Variants in C14orf39 observed in about 807,000 individuals in gnomAD.
C14orf39 encodes the protein chromosome 14 open reading frame 39, also known as protein SIX6OS1.
A neutral mutation model predicts 85.6 loss-of-function variants in C14orf39; 66 were observed. The observed-to-expected ratio is 0.77, with a 90% CI of 0.63 to 0.95. C14orf39 has a LOEUF of 0.95. Among genes scored for constraint, C14orf39 ranks in the 40% least tolerant of loss-of-function variants. The pLI is 0.00. For missense variants in C14orf39, 735 were observed against 663.9 expected (o/e 1.11, Z -1.18); for synonymous variants, 242 against 214.0 (o/e 1.13, Z -1.14).
At chr14:60,455,262 G>T in intron 15 of C14orf39, 117 bp from the exon 16 acceptor site, 1 of 663,178 alleles carries the variant, frequency 1.5e-6, no homozygotes, top group Non-Finnish European at 2.4e-6. Flanking sequence ...AATGTAGGAA[G>T]TAGTTATTGA....
upstream of C14orf39, among the ~76,000 whole-genome samples, chr14:60,487,650 G>C (rs1455617793): frequency 1.3e-5 from 2 of 152,216 alleles, no homozygotes. Context: ...GTATTCAAAA[G>C]TGGGATTGCT....
chr14:60,471,362 T>C (rs1892067266), intron 7 of C14orf39, 55 bp downstream of exon 7: 1 of 1,296,862 alleles, frequency 7.7e-7, no homozygotes, highest in East Asian at 2.5e-5. Flanking sequence ...ACAATTAAAA[T>C]ACAAAATAAT....
Position 60,474,727 on chromosome 14 carries a change from A to T in C14orf39, c.324-2988T>A, listed in dbSNP as rs541894442. ...TTTATTGATTTGCATATGTTGAACC[A>T]GCCTTGCATCCCAGGGATGAAGCCC... On this transcript the variant is annotated intron_variant, in intron 5 of 17. Transcript: ENST00000321731. Among the ~76,000 whole-genome samples, 3 of 152,154 alleles carry T rather than the reference A, an allele frequency of 2.0e-5. No homozygotes were observed. In the South Asian group the frequency reaches 6.2e-4, roughly 32 times the overall value.
chr14:60,470,307 G>T (rs1451130232), intron 7 of C14orf39, among the ~76,000 whole-genome samples: 1 of 151,804 alleles, frequency 6.6e-6, no homozygotes, highest in African/African-American at 2.4e-5. Context: ...CCATTTAGGA[G>T]AATTTGAAAA....
At chr14:60,457,855 C>T (rs990649773) in intron 14 of C14orf39, among the ~76,000 whole-genome samples, 1 of 151,954 alleles carries the variant, frequency 6.6e-6, no homozygotes, top group African/African-American at 2.4e-5. Context: ...GCAACCACTG[C>T]TCTTGAATTG....
At chr14:60,507,671 C>T (rs1006387148) in intron 1 of C14orf39, among the ~76,000 whole-genome samples, 2 of 152,076 alleles carry the variant, frequency 1.3e-5, no homozygotes, top group African/African-American at 4.8e-5. Flanking sequence ...TCAGGCGTGG[C>T]GTGATCTGAC....
At position 60,471,585 on chromosome 14, in the gene C14orf39, T is replaced by G; in HGVS notation, c.478A>C (p.Lys160Gln). ...SRVLACTEQL[K>Q]MNETIFMKFR... ...TTCATAAAAATTGTTTCATTCATTTTTAATTGTTCAGTACATGCCAACACT... is the reference window on the plus strand; with the variant it reads ...TTCATAAAAATTGTTTCATTCATTTGTAATTGTTCAGTACATGCCAACACT... Residue 160 changes from lysine to glutamine, a missense_variant, in exon 6 of 18, where the codon AAA becomes CAA. Physicochemically the swap from Lys to Gln is moderately conservative, Grantham distance 53 (BLOSUM62 1). Coordinates refer to ENST00000321731, the MANE Select transcript of C14orf39 (RefSeq NM_174978.3). 1.3e-6 allele frequency: 2 copies of G among 1,597,296 alleles called. No individual in the cohort carries two copies. The highest frequency in any genetic ancestry group is 1.7e-6 in the Non-Finnish European group (2 of 1,174,950).
intron 4 of C14orf39, among the ~76,000 whole-genome samples, chr14:60,481,739 G>C (rs958827991): frequency 1.3e-5 from 2 of 151,974 alleles, no homozygotes; most frequent in Non-Finnish European, 2.9e-5. Flanking sequence ...ACATGTATTA[G>C]ACTTGTGTAT....
At chr14:60,510,048 G>C in intron 1 of C14orf39, 1 of 1,290,294 alleles carries the variant, frequency 7.8e-7, no homozygotes, top group South Asian at 1.3e-5. Flanking sequence ...CCCTTACCCA[G>C]TCCCTGGCGA....
Position 60,491,108 on chromosome 14 carries a change from C to T in C14orf39, c.-8-6022G>A, listed in dbSNP as rs1349356060. ...CCAGACCCACGTATCTAATTGCTGA[C>T]GTGATAAGCTATCTTAGTCCATCCT... On this transcript the variant is annotated intron_variant, in intron 2 of 5. Coordinates refer to the C14orf39 transcript ENST00000556799. This position sits in a 1 kb window ranked among gnomAD's most constrained non-coding sequence, Gnocchi z 4.5. Among the ~76,000 whole-genome samples, 2 of 152,150 alleles carry T rather than the reference C, an allele frequency of 1.3e-5. No homozygotes were observed. Among genetic ancestry groups the T allele is most frequent in the Admixed American group, 6.5e-5 (1 of 15,276 alleles).
Position 60,454,500 on chromosome 14 carries a change from C to T in C14orf39, c.1503+501G>A, listed in dbSNP as rs560438249. Among the ~76,000 whole-genome samples, 9 of 152,066 alleles carry T rather than the reference C, an allele frequency of 5.9e-5. No homozygotes were observed. The East Asian group carries it at 1.7e-3, about 29-fold the overall frequency. ...TAACCACTACACTGTAATGTTTCTA[C>T]TTTTTGAATAAAGCATGTCTCAATT... On this transcript the variant is annotated intron_variant, in intron 16 of 17. Transcript: ENST00000321731.
At chr14:60,502,114 C>A (rs1893156834) in intron 1 of C14orf39, among the ~76,000 whole-genome samples, 1 of 152,122 alleles carries the variant, frequency 6.6e-6, no homozygotes. Context: ...AACATCATTG[C>A]CCTAAAATAC....
At chr14:60,490,649 T>C (rs143668941), upstream of C14orf39, among the ~76,000 whole-genome samples, 3 of 151,218 alleles carry the variant, frequency 2.0e-5, no homozygotes, top group Non-Finnish European at 4.4e-5. Context: ...AAGTAAAAAA[T>C]TTTAAAAATG....
chr14:60,479,780 C>T (rs17834388), intron 4 of C14orf39, among the ~76,000 whole-genome samples: 1 of 152,090 alleles, frequency 6.6e-6, no homozygotes, highest in Non-Finnish European at 1.5e-5. Context: ...TAACATCTTC[C>T]CATATCCATA....
At chr14:60,460,715 T>C (rs910517916) in intron 13 of C14orf39, among the ~76,000 whole-genome samples, 1 of 151,736 alleles carries the variant, frequency 6.6e-6, no homozygotes, top group African/African-American at 2.4e-5. Context: ...AGAGAATGAG[T>C]TCATATTTTC....
intron 11 of C14orf39, among the ~76,000 whole-genome samples, chr14:60,463,170 A>C (rs1257527962): frequency 6.6e-6 from 1 of 152,054 alleles, no homozygotes; most frequent in African/African-American, 2.4e-5. Context: ...CAGTGGTTTA[A>C]TTTGCATTTC....
intron 16 of C14orf39, among the ~76,000 whole-genome samples, chr14:60,453,580 GTTTA>G (rs532321178): frequency 3.9e-4 from 59 of 151,436 alleles, no homozygotes; most frequent in Admixed American, 1.4e-3. Flanking sequence ...TTGGTGTAAA[GTTTA>G]TTTGTTTTAT....
chr14:60,457,300 T>G (rs931309222), intron 14 of C14orf39, among the ~76,000 whole-genome samples: 2 of 151,948 alleles, frequency 1.3e-5, no homozygotes, highest in Non-Finnish European at 2.9e-5. Flanking sequence ...CAATTTTTTC[T>G]TTTCTTTCCA....
Position 60,495,602 on chromosome 14 carries a change from C to G in C14orf39, c.-9+3694G>C, listed in dbSNP as rs76800208. 2.5e-3 allele frequency: 550 copies of G among 219,010 alleles called. 4 individuals carry two copies. Among genetic ancestry groups the G allele is most frequent in the African/African-American group, 0.012 (513 of 43,668 alleles). The allele number at this position is 219,010 out of a possible 1,614,324, so 13.6% of individuals were successfully genotyped here. A position where few individuals can be genotyped will look rare whatever the true frequency, so the allele number is the denominator to read the frequency against. On this transcript the variant is annotated intron_variant, in intron 2 of 5. Coordinates refer to the C14orf39 transcript ENST00000556799. The stretch of plus-strand genomic sequence containing the variant: ...CCATTTTGTCCTGGAACTTGGCAAA[C>G]AGCTGAAGGTTTGCCTTTACCTGAA...
Sources: allele counts gnomAD v4.1 joint callset (sites outside exome capture counted in the v4.1 genomes callset), GRCh38; gene constraint gnomAD v4.1.1; non-coding constraint Gnocchi (gnomAD v3.1); transcripts MANE v1.5; gene names NCBI Gene and HGNC (gene_info 2026-07-23, HGNC 2026-07-21).